The following CHST15 variants were observed in gnomAD, a reference collection of about 807,000 sequenced individuals.
The protein encoded by CHST15 is B cell RAG associated protein (GALNAC4S-6ST).
In CHST15, 30 loss-of-function variants were observed where a neutral mutation model predicts 53.6. The ratio of observed to expected loss-of-function variants is 0.56; its 90% CI spans 0.42 to 0.76. CHST15 has a LOEUF of 0.76. CHST15 is among the 30% of genes least tolerant of loss of function. CHST15 has a pLI of 0.00. For missense variants in CHST15, 627 were observed against 740.5 expected (o/e 0.85, Z 1.78); for synonymous variants, 296 against 289.8 (o/e 1.02, Z -0.22).
chr10:124,071,017 C>CT (rs1412640100), intron 1 of CHST15, among the ~76,000 whole-genome samples: 2 of 152,194 alleles, frequency 1.3e-5, no homozygotes, highest in African/African-American at 4.8e-5. Flanking sequence ...ATTCCTGTAG[C>CT]TTAGTATTTG....
At chr10:124,044,052 GCA>G (rs1346588865) in intron 3 of CHST15, among the ~76,000 whole-genome samples, 1 of 151,244 alleles carries the variant, frequency 6.6e-6, no homozygotes, top group Non-Finnish European at 1.5e-5. Context: ...CCAAGGAACA[GCA>G]CAGAGCAGGG....
Position 124,044,984 on chromosome 10 carries a change from G to A in CHST15, c.547-65C>T, listed in dbSNP as rs925575503. 1.6e-5 allele frequency: 18 copies of A among 1,142,236 alleles called. No individual in the cohort carries two copies. In the African/African-American group the frequency reaches 2.2e-4, roughly 14 times the overall value. The allele number at this position is 1,142,236 out of a possible 1,614,324, so 70.8% of individuals were successfully genotyped here. A position where few individuals can be genotyped will look rare whatever the true frequency, so the allele number is the denominator to read the frequency against. On this transcript the variant is annotated intron_variant, in intron 2 of 7. Coordinates refer to ENST00000435907, the MANE Select transcript of CHST15 (RefSeq NM_001270764.2). ...AAATGAGCAAAGACACAATCTAACC[G>A]CAATGGGAACCTGCCCTGAGACTGA...
chr10:124,056,682 C>T (rs556857056), intron 1 of CHST15, among the ~76,000 whole-genome samples: 16 of 152,234 alleles, frequency 1.1e-4, no homozygotes, highest in Non-Finnish European at 2.2e-4. Flanking sequence ...AGGCAGGCCC[C>T]GGTGCGCAGC....
rs977253718 is a variant in CHST15, at chr10:124,024,173, C to A, written c.1191-2761G>T. On this transcript the variant is annotated intron_variant, in intron 5 of 7. Transcript: ENST00000435907. The surrounding 1 kb of genome is among the most constrained non-coding windows in gnomAD (Gnocchi z 4.0). ...ATCCATACTTCCAAACGCTCCCAGA[C>A]CTTCAGCCACATACTACCCTGCAAA... 1.1e-4 allele frequency among the ~76,000 whole-genome samples: 16 copies of A among 152,204 alleles called. No homozygotes were observed. The highest frequency in any genetic ancestry group is 3.4e-4 in the African/African-American group (14 of 41,444).
chr10:124,086,497 C>T (rs1007360034), intron 1 of CHST15, among the ~76,000 whole-genome samples: 1 of 152,228 alleles, frequency 6.6e-6, no homozygotes, highest in African/African-American at 2.4e-5. Context: ...GGAGGCCCTT[C>T]GCCCTGCTGG....
intron 1 of CHST15, among the ~76,000 whole-genome samples, chr10:124,069,781 C>T (rs781757328): frequency 5.9e-5 from 9 of 152,318 alleles, no homozygotes; most frequent in Non-Finnish European, 7.3e-5. Context: ...GCTCATCCCT[C>T]GAGGAAGGAC....
Position 124,019,908 on chromosome 10 carries a change from C to CAG in CHST15, c.1347+1347_1347+1348insCT, listed in dbSNP as rs1946713718. The CAG allele has an allele frequency of 1.0e-6, 1 of 985,914 alleles. No individual in the cohort carries two copies. The highest frequency in any genetic ancestry group is 1.7e-5 in the African/African-American group (1 of 57,240). 61.1% of individuals were successfully genotyped at this position (985,914 alleles called of 1,614,324 possible). A position where few individuals can be genotyped will look rare whatever the true frequency, so the allele number is the denominator to read the frequency against. On this transcript the variant is annotated intron_variant, in intron 6 of 7. Transcript: ENST00000435907. The surrounding 1 kb of genome is among the most constrained non-coding windows in gnomAD (Gnocchi z 4.6). ...GCTGCGTTCTGTATGGTAGGTGGTGCTGACCACTGGGCCTCTGCACACGCT... is the reference window on the plus strand; with the variant it reads ...GCTGCGTTCTGTATGGTAGGTGGTGCAGTGACCACTGGGCCTCTGCACACGCT...
rs1946703034 is a variant in CHST15 at position 124,019,661 on chromosome 10, C to T, written c.1347+1595G>A. Reference sequence around the variant, plus strand: ...CGTTAAACAAGTATGTGTGCTTTCTCGCGTTAGTCTTTTATTATAGGTGCC... The same window carrying T: ...CGTTAAACAAGTATGTGTGCTTTCTTGCGTTAGTCTTTTATTATAGGTGCC... On this transcript the variant is annotated intron_variant, in intron 6 of 7. Transcript: ENST00000435907. This position sits in a 1 kb window ranked among gnomAD's most constrained non-coding sequence, Gnocchi z 4.6. 6 of 533,956 alleles carry T rather than the reference C, an allele frequency of 1.1e-5. No homozygotes were observed. The highest frequency in any genetic ancestry group is 8.0e-5 in the South Asian group (1 of 12,466). 33.1% of individuals were successfully genotyped at this position (533,956 alleles called of 1,614,324 possible). A position where few individuals can be genotyped will look rare whatever the true frequency, so the allele number is the denominator to read the frequency against.
chr10:124,084,029 G>A (rs567225390), intron 1 of CHST15, among the ~76,000 whole-genome samples: 1 of 152,354 alleles, frequency 6.6e-6, no homozygotes, highest in South Asian at 2.1e-4. Flanking sequence ...TGCCTAGGCA[G>A]AGAGATGTCA....
intron 5 of CHST15, among the ~76,000 whole-genome samples, chr10:124,032,049 G>A (rs2133922088): frequency 6.6e-6 from 1 of 152,274 alleles, no homozygotes; most frequent in East Asian, 1.9e-4. Context: ...ATTCCTCTGT[G>A]TCCCCATGAG....
intron 1 of CHST15, among the ~76,000 whole-genome samples, chr10:124,061,638 G>A (rs1171151688): frequency 6.6e-6 from 1 of 152,134 alleles, no homozygotes; most frequent in Non-Finnish European, 1.5e-5. Context: ...TACTTACATA[G>A]AGCAAGCATC....
chr10:124,087,285 A>G lies in CHST15; in HGVS notation c.-513+6184T>C, dbSNP rs143225498. Among the ~76,000 whole-genome samples the G allele has an allele frequency of 1.1e-3, 171 of 152,204 alleles. 1 individual carries two copies. The highest frequency in any genetic ancestry group is 2.2e-3 in the Non-Finnish European group (153 of 68,010). On this transcript the variant is annotated intron_variant, in intron 1 of 7. Coordinates refer to ENST00000435907, the MANE Select transcript of CHST15 (RefSeq NM_001270764.2). ...ACCTCCCTGAGATAGATCCAGGGCC[A>G]CCCTGGGAGGGATGGGATCGCCACT...
chr10:124,011,627 C>T lies in CHST15; in HGVS notation c.1495+706G>A, dbSNP rs375176793. 1.3e-4 allele frequency: 126 copies of T among 985,448 alleles called. No individual in the cohort carries two copies. In the East Asian group the frequency reaches 4.9e-3, roughly 38 times the overall value. The allele number at this position is 985,448 out of a possible 1,614,324, so 61.0% of individuals were successfully genotyped here. ...GTGCCCCGTCCACATGGGCAGCACT[C>T]GCTCCGCCAGCACATGCCTCTGCCA... On this transcript the variant is annotated intron_variant, in intron 7 of 7. Coordinates refer to ENST00000435907, the MANE Select transcript of CHST15 (RefSeq NM_001270764.2).
At chr10:124,068,252 C>T (rs1948808920) in intron 1 of CHST15, among the ~76,000 whole-genome samples, 1 of 152,158 alleles carries the variant, frequency 6.6e-6, no homozygotes. Context: ...GTTATCTAGA[C>T]AGCTGGAGTT....
intron 4 of CHST15, 139 bp downstream of exon 4, chr10:124,042,162 G>T: frequency 1.4e-6 from 1 of 713,242 alleles, no homozygotes. Flanking sequence ...ACAGCCAGGT[G>T]GAGAAGTGGA....
At position 124,012,398 on chromosome 10, in the gene CHST15, C is replaced by A. The variant is rs367705392; in HGVS notation, c.1430G>T (p.Arg477Leu). The change falls in exon 7 of 8, where the codon CGC (arginine) becomes CTC (leucine). Residue 477 changes from arginine to leucine, a missense_variant. Transcript: ENST00000435907. ...VFDKQQFLIL[R>L]LEDHASNVKY... ...GACGTTGGATGCATGATCTTCCAGG[C>A]GAAGAATGAGAAACTGTTGCTTGTC... 25 of 1,613,922 alleles carry A rather than the reference C, an allele frequency of 1.5e-5. No individual in the cohort carries two copies. Among genetic ancestry groups the A allele is most frequent in the Non-Finnish European group, 2.0e-5 (24 of 1,179,996 alleles).
intron 1 of CHST15, among the ~76,000 whole-genome samples, chr10:124,070,545 A>ATT (rs34590265): frequency 6.7e-6 from 1 of 150,242 alleles, no homozygotes; most frequent in Non-Finnish European, 1.5e-5. Context: ...TGCTCAGCTG[A>ATT]TTTTTTTTTT....
intron 1 of CHST15, among the ~76,000 whole-genome samples, chr10:124,086,508 G>A (rs965902464): frequency 3.3e-5 from 5 of 152,216 alleles, no homozygotes; most frequent in African/African-American, 7.2e-5. Flanking sequence ...GCCCTGCTGG[G>A]AGAGGCTCCT....
Position 124,009,556 on chromosome 10 carries a change from G to A in CHST15, c.*593C>T. 1 of 988,652 alleles carries A rather than the reference G, an allele frequency of 1.0e-6. No individual in the cohort carries two copies. The allele number at this position is 988,652 out of a possible 1,614,324, so 61.2% of individuals were successfully genotyped here. On this transcript the variant is annotated 3_prime_UTR_variant, in exon 8 of 8. Coordinates refer to ENST00000435907, the MANE Select transcript of CHST15 (RefSeq NM_001270764.2). ...GAGTAAAGGAGAAAAAAAAAATGAA[G>A]AGCCTCCATTCTCGAAAGACTGCGG...
Sources: gnomAD v4.1 joint callset for allele counts (sites outside exome capture counted in the v4.1 genomes callset) on GRCh38, gnomAD v4.1.1 for gene constraint, Gnocchi (gnomAD v3.1) non-coding constraint, MANE v1.5 for transcripts, NCBI Gene and HGNC (gene_info 2026-07-23, HGNC 2026-07-21) for gene names.